The following GAREM1 variants were observed in gnomAD, a reference collection of about 807,000 sequenced individuals.
GAREM1 encodes the protein GRB2-associated and regulator of MAPK protein 1.
GAREM1 carries 26 observed loss-of-function variants against 71.3 expected under a neutral mutation model. The ratio of observed to expected loss-of-function variants is 0.36; its 90% confidence interval spans 0.27 to 0.51. The LOEUF (loss-of-function observed/expected upper bound fraction) is 0.51, where lower values mean the gene tolerates loss of function less well. Among genes scored for constraint, GAREM1 ranks in the 20% least tolerant of loss-of-function variants. The pLI is 0.95. For synonymous variants in GAREM1, 440 were observed against 433.2 expected (o/e 1.02, Z -0.20); for missense variants, 1,026 against 1,103.1 (o/e 0.93, Z 0.99).
chr18:32,343,183 A>C (rs1361781860), intron 2 of GAREM1, among the ~76,000 whole-genome samples: 1 of 152,198 alleles, frequency 6.6e-6, no homozygotes, highest in East Asian at 1.9e-4. Flanking sequence ...AGTTACAGAA[A>C]GTACACTACG....
chr18:32,428,711 T>C (rs1038893520), intron 1 of GAREM1, among the ~76,000 whole-genome samples: 1 of 152,202 alleles, frequency 6.6e-6, no homozygotes, highest in Non-Finnish European at 1.5e-5. Context: ...AAGAACAGAC[T>C]AATACAACCA....
chr18:32,275,037 C>T (rs2041520420), intron 4 of GAREM1, among the ~76,000 whole-genome samples: 1 of 151,626 alleles, frequency 6.6e-6, no homozygotes, highest in East Asian at 1.9e-4. Context: ...TTATTACTGA[C>T]AAGTCATTTG....
intron 1 of GAREM1, among the ~76,000 whole-genome samples, chr18:32,393,287 C>T (rs974499219): frequency 2.6e-5 from 4 of 151,388 alleles, no homozygotes; most frequent in Non-Finnish European, 4.4e-5. Flanking sequence ...ATTCAAATAT[C>T]ACATTATACC....
chr18:32,422,589 A>T (rs2048529942), intron 1 of GAREM1, among the ~76,000 whole-genome samples: 3 of 152,192 alleles, frequency 2.0e-5, no homozygotes, highest in Non-Finnish European at 1.5e-5. Context: ...CAAATTCAGG[A>T]TGAGAGCTTT....
Position 32,287,794 on chromosome 18 carries a change from C to A in GAREM1, c.803G>T (p.Gly268Val). Reference sequence around the variant, plus strand: ...GATGTTCACAAACTTATAGCGGTGCCCCTCACGGATGAAGTGGAGGTCGTA... The same window carrying A: ...GATGTTCACAAACTTATAGCGGTGCACCTCACGGATGAAGTGGAGGTCGTA... ...NPYDLHFIRE[G>V]HRYKFVNIQT... Residue 268 changes from glycine to valine, a missense_variant, in exon 4 of 6, where the codon GGG (glycine) becomes GTG (valine). Transcript: ENST00000269209. This position sits in a 1 kb window ranked among gnomAD's most constrained non-coding sequence, Gnocchi z 5.9. The A allele has an allele frequency of 6.2e-7, 1 of 1,613,432 alleles. No individual in the cohort carries two copies. The highest frequency in any genetic ancestry group is 8.5e-7 in the Non-Finnish European group (1 of 1,179,946).
chr18:32,368,630 C>T (rs1226060498), intron 2 of GAREM1, among the ~76,000 whole-genome samples: 1 of 152,072 alleles, frequency 6.6e-6, no homozygotes, highest in African/African-American at 2.4e-5. Context: ...GTCCACAGAC[C>T]CTACTGCTAA....
intron 2 of GAREM1, among the ~76,000 whole-genome samples, chr18:32,334,501 T>C (rs955946485): frequency 6.6e-6 from 1 of 152,196 alleles, no homozygotes; most frequent in South Asian, 2.1e-4. Flanking sequence ...AATATTTTTC[T>C]AGTCCAAGGA....
intron 1 of GAREM1, among the ~76,000 whole-genome samples, chr18:32,417,072 C>G (rs2048472848): frequency 6.6e-6 from 1 of 152,146 alleles, no homozygotes; most frequent in Non-Finnish European, 1.5e-5. Flanking sequence ...TTTGAATGGA[C>G]ATTTCTCAGA....
chr18:32,390,445 T>C (rs1441661917), intron 2 of GAREM1, among the ~76,000 whole-genome samples: 1 of 152,234 alleles, frequency 6.6e-6, no homozygotes. Flanking sequence ...TTTTGTTTAA[T>C]GGCAAATGAT....
chr18:32,410,676 C>G (rs2048407719), intron 1 of GAREM1, among the ~76,000 whole-genome samples: 1 of 152,048 alleles, frequency 6.6e-6, no homozygotes, highest in African/African-American at 2.4e-5. Flanking sequence ...CCTCAGTGTT[C>G]TCACATTTAA....
chr18:32,376,033 C>T (rs1409080827), intron 2 of GAREM1, among the ~76,000 whole-genome samples: 2 of 151,962 alleles, frequency 1.3e-5, no homozygotes, highest in Non-Finnish European at 2.9e-5. Flanking sequence ...ATTTTATCAT[C>T]ATGCTTTATT....
At chr18:32,408,634 T>C (rs1443373402) in intron 1 of GAREM1, among the ~76,000 whole-genome samples, 1 of 152,154 alleles carries the variant, frequency 6.6e-6, no homozygotes, top group Non-Finnish European at 1.5e-5. Context: ...TGACCATTGT[T>C]AAGACTAAAT....
intron 1 of GAREM1, among the ~76,000 whole-genome samples, chr18:32,404,272 T>A (rs1416760903): frequency 6.6e-6 from 1 of 152,224 alleles, no homozygotes; most frequent in Non-Finnish European, 1.5e-5. Context: ...TAAATGCTTT[T>A]TTATTTTTAA....
rs1281961586 is a variant in GAREM1, at chr18:32,264,601, A to C, written c.*3270T>G. The C allele has an allele frequency of 6.6e-6, 1 of 152,254 alleles. No homozygotes were observed. The highest frequency in any genetic ancestry group is 1.5e-5 in the Non-Finnish European group (1 of 68,042). The allele number at this position is 152,254 out of a possible 1,614,324, so 9.4% of individuals were successfully genotyped here. ...TGTTGTATTTCGACATGAGACAAGAATAAACACTGCAATTTAGCTGAATGG... is the reference window on the plus strand; with the variant it reads ...TGTTGTATTTCGACATGAGACAAGACTAAACACTGCAATTTAGCTGAATGG... On this transcript the variant is annotated 3_prime_UTR_variant, in exon 6 of 6. Coordinates refer to ENST00000269209, the MANE Select transcript of GAREM1 (RefSeq NM_001242409.2).
chr18:32,291,855 T>C (rs1598935706), intron 3 of GAREM1, among the ~76,000 whole-genome samples: 1 of 152,214 alleles, frequency 6.6e-6, no homozygotes, highest in Non-Finnish European at 1.5e-5. Context: ...TATTCCATGG[T>C]ATATATCTGC....
At chr18:32,440,649 A>T (rs2048726442) in intron 1 of GAREM1, among the ~76,000 whole-genome samples, 1 of 152,224 alleles carries the variant, frequency 6.6e-6, no homozygotes, top group Non-Finnish European at 1.5e-5. Flanking sequence ...GTTGTGATGT[A>T]TCCTCATTGC....
chr18:32,312,118 G>A (rs575246275), intron 2 of GAREM1, among the ~76,000 whole-genome samples: 3 of 152,360 alleles, frequency 2.0e-5, no homozygotes, highest in South Asian at 4.1e-4. Flanking sequence ...TATTGGACAC[G>A]CAAACAGAGA....
chr18:32,287,886 G>A lies in GAREM1; in HGVS notation c.711C>T (p.Arg237=). ...GAAGCCTGGTTTTCTCCACAATGTT[G>A]CGGATGGTGTGTTCGCCCTCTTGCA... ...LQMQEGEHTI[R]NIVEKTRLPV... The change falls in exon 4 of 6, where the codon CGC becomes CGT. Residue 237 remains arginine (R), a synonymous_variant. Coordinates refer to ENST00000269209, the MANE Select transcript of GAREM1 (RefSeq NM_001242409.2). The surrounding 1 kb of genome is among the most constrained non-coding windows in gnomAD (Gnocchi z 5.9). The A allele has an allele frequency of 1.2e-6, 2 of 1,614,024 alleles. No homozygotes were observed. Among genetic ancestry groups the A allele is most frequent in the South Asian group, 1.1e-5 (1 of 91,052 alleles).
intron 2 of GAREM1, among the ~76,000 whole-genome samples, chr18:32,318,840 A>G (rs549256325): frequency 6.6e-6 from 1 of 152,314 alleles, no homozygotes; most frequent in African/African-American, 2.4e-5. Flanking sequence ...CTCCTCCATG[A>G]CTGGGAGCAG....
Sources: gnomAD v4.1 joint callset for allele counts (sites outside exome capture counted in the v4.1 genomes callset) on GRCh38, gnomAD v4.1.1 for gene constraint, Gnocchi (gnomAD v3.1) non-coding constraint, MANE v1.5 for transcripts, NCBI Gene and HGNC (gene_info 2026-07-23, HGNC 2026-07-21) for gene names.